The following CACNA2D3 variants were observed in gnomAD, a reference collection of about 807,000 sequenced individuals.
The protein encoded by CACNA2D3 is calcium voltage-gated channel auxiliary subunit alpha2delta 3, also known as voltage-dependent calcium channel subunit alpha-2/delta-3.
CACNA2D3 carries 60 observed loss-of-function variants against 160.6 expected under a neutral mutation model. That is an observed-to-expected ratio of 0.37 (90% confidence interval 0.30 to 0.46). The LOEUF is 0.46. Among genes scored for constraint, CACNA2D3 ranks in the 20% least tolerant of loss-of-function variants. CACNA2D3 has a pLI of 1.00. For synonymous variants in CACNA2D3, 558 were observed against 492.9 expected, an observed-to-expected ratio of 1.13 and a Z score of -1.75; for missense variants, 1,205 against 1,365.0, an observed-to-expected ratio of 0.88 and a Z score of 1.85.
chr3:54,154,691 T>C (rs1420260886), intron 2 of CACNA2D3, among the ~76,000 whole-genome samples: 1 of 152,180 alleles, frequency 6.6e-6, no homozygotes, highest in Non-Finnish European at 1.5e-5. Context: ...TTGTAGAGTC[T>C]GGCCAAGTGA....
chr3:54,401,890 G>C (rs1699473110), intron 4 of CACNA2D3, among the ~76,000 whole-genome samples: 1 of 152,088 alleles, frequency 6.6e-6, no homozygotes, highest in African/African-American at 2.4e-5. Context: ...TATATCTCTA[G>C]TATAAAGGTC....
At chr3:54,333,824 G>A (rs1426951132) in intron 3 of CACNA2D3, among the ~76,000 whole-genome samples, 2 of 152,228 alleles carry the variant, frequency 1.3e-5, no homozygotes, top group African/African-American at 2.4e-5. Context: ...AGGGAACCTC[G>A]TAGGAGCCAG....
intron 13 of CACNA2D3, among the ~76,000 whole-genome samples, chr3:54,789,284 CTG>C (rs1442051890): frequency 2.0e-5 from 3 of 152,212 alleles, no homozygotes; most frequent in Admixed American, 6.5e-5. Flanking sequence ...TTTAAAAAAA[CTG>C]TGTCCTTTCT....
At chr3:54,838,952 T>G (rs1698754535) in intron 16 of CACNA2D3, among the ~76,000 whole-genome samples, 1 of 152,150 alleles carries the variant, frequency 6.6e-6, no homozygotes, top group Non-Finnish European at 1.5e-5. Context: ...ACATGACTGG[T>G]TTGCCTTTTA....
intron 17 of CACNA2D3, among the ~76,000 whole-genome samples, chr3:54,859,555 C>A (rs927337394): frequency 1.3e-5 from 2 of 152,200 alleles, no homozygotes; most frequent in African/African-American, 4.8e-5. Flanking sequence ...GAGATGGAGT[C>A]TACCCCGTGC....
chr3:55,017,561 A>G (rs1176986781), intron 34 of CACNA2D3, among the ~76,000 whole-genome samples: 2 of 152,124 alleles, frequency 1.3e-5, no homozygotes, highest in African/African-American at 4.8e-5. Context: ...TATTATCCTC[A>G]GTTTACAAAT....
In CACNA2D3 at chr3:54,891,607, G is replaced by A. The variant is rs567599769; in HGVS notation, c.2246+157G>A. On this transcript the variant is annotated intron_variant, in intron 25 of 37. Coordinates refer to ENST00000474759, the MANE Select transcript of CACNA2D3 (RefSeq NM_018398.3). ...TTTTCCTCTCTGTTCTACCATGCGG[G>A]CCCCAGCATGTGCTTTCACCTGCCT... Among the ~76,000 whole-genome samples, 7 of 152,294 alleles carry A rather than the reference G, an allele frequency of 4.6e-5. No individual in the cohort carries two copies. In the East Asian group the frequency reaches 1.4e-3, roughly 29 times the overall value.
chr3:54,299,189 C>CTTCA (rs1289410414), intron 2 of CACNA2D3, among the ~76,000 whole-genome samples: 2 of 148,436 alleles, frequency 1.3e-5, no homozygotes, highest in African/African-American at 5.0e-5. Flanking sequence ...GCGTCTTTAC[C>CTTCA]TTCAGATGTG....
At chr3:54,433,455 A>G (rs1286976292) in intron 4 of CACNA2D3, among the ~76,000 whole-genome samples, 1 of 152,218 alleles carries the variant, frequency 6.6e-6, no homozygotes, top group Non-Finnish European at 1.5e-5. Context: ...TGGCTTTTGT[A>G]AAATTAAAAT....
intron 11 of CACNA2D3, among the ~76,000 whole-genome samples, chr3:54,686,622 A>G (rs1700453861): frequency 6.6e-6 from 1 of 152,188 alleles, no homozygotes; most frequent in Admixed American, 6.5e-5. Context: ...TATGCAGCAA[A>G]ATCACCAGGG....
chr3:54,127,918 T>C (rs1278225399), intron 2 of CACNA2D3, among the ~76,000 whole-genome samples: 2 of 128,218 alleles, frequency 1.6e-5, no homozygotes, highest in East Asian at 6.2e-4. Context: ...ATTTTTTTTT[T>C]CTTTTCCTTT....
chr3:54,986,216 G>C (rs1328011035), intron 30 of CACNA2D3, among the ~76,000 whole-genome samples: 1 of 152,118 alleles, frequency 6.6e-6, no homozygotes, highest in African/African-American at 2.4e-5. Flanking sequence ...GCCAACAAAT[G>C]ATGGAAACAG....
chr3:54,701,801 C>G (rs556138481), intron 11 of CACNA2D3, among the ~76,000 whole-genome samples: 11 of 151,924 alleles, frequency 7.2e-5, no homozygotes, highest in African/African-American at 1.9e-4. Flanking sequence ...AATCTTAAGC[C>G]GAAAGAATAA....
intron 4 of CACNA2D3, among the ~76,000 whole-genome samples, chr3:54,467,282 C>T (rs527985718): frequency 1.3e-5 from 2 of 152,180 alleles, no homozygotes; most frequent in Non-Finnish European, 2.9e-5. Flanking sequence ...ACATGGGCTC[C>T]CTTCTGTGCT....
Position 54,290,708 on chromosome 3 carries a change from A to G in CACNA2D3, c.205-29734A>G, listed in dbSNP as rs1575373676. ...GATTAAGAAAATGTGGCACATATACACCATGGAATACTATGCAGCCATAAA... is the reference window on the plus strand; with the variant it reads ...GATTAAGAAAATGTGGCACATATACGCCATGGAATACTATGCAGCCATAAA... On this transcript the variant is annotated intron_variant, in intron 2 of 37. Coordinates refer to ENST00000474759, the MANE Select transcript of CACNA2D3 (RefSeq NM_018398.3). Among the ~76,000 whole-genome samples, 5 of 151,892 alleles carry G rather than the reference A, an allele frequency of 3.3e-5. No homozygotes were observed. The South Asian group carries it at 1.0e-3, about 32-fold the overall frequency.
chr3:54,454,222 A>G (rs1461604765), intron 4 of CACNA2D3, among the ~76,000 whole-genome samples: 2 of 152,194 alleles, frequency 1.3e-5, no homozygotes, highest in Admixed American at 6.5e-5. Flanking sequence ...CAACTTTAGT[A>G]AAGTATAATT....
intron 4 of CACNA2D3, among the ~76,000 whole-genome samples, chr3:54,451,045 C>T (rs756851026): frequency 6.6e-6 from 1 of 151,992 alleles, no homozygotes; most frequent in Non-Finnish European, 1.5e-5. Flanking sequence ...GCAGAACAAA[C>T]TCTACTAGGC....
chr3:54,642,854 A>G (rs1028089406), intron 11 of CACNA2D3, among the ~76,000 whole-genome samples: 2 of 152,184 alleles, frequency 1.3e-5, no homozygotes, highest in South Asian at 2.1e-4. Context: ...AGGTTTCTCA[A>G]GCTGTTATCT....
At chr3:54,454,539 C>T (rs1012047385) in intron 4 of CACNA2D3, among the ~76,000 whole-genome samples, 4 of 152,028 alleles carry the variant, frequency 2.6e-5, no homozygotes, top group South Asian at 2.1e-4. Flanking sequence ...GCACAATGTA[C>T]AGTGATTAAA....
Sources: allele counts gnomAD v4.1 joint callset (sites outside exome capture counted in the v4.1 genomes callset), GRCh38; gene constraint gnomAD v4.1.1; transcripts MANE v1.5; gene names NCBI Gene and HGNC (gene_info 2026-07-23, HGNC 2026-07-21).